Variants in ZNF407 observed in about 807,000 individuals in gnomAD.
The protein encoded by ZNF407 is zinc finger protein 407.
A neutral mutation model predicts 131.2 loss-of-function variants in ZNF407; 17 were observed. The ratio of observed to expected loss-of-function variants is 0.13; its 90% CI spans 0.09 to 0.19. The LOEUF is 0.19. Among genes scored for constraint, ZNF407 ranks in the 10% least tolerant of loss-of-function variants. The pLI, the probability that ZNF407 is intolerant of heterozygous loss-of-function variation, is 1.00. For synonymous variants in ZNF407, 1,156 were observed against 1,062.0 expected (o/e 1.09, Z -1.72); for missense variants, 2,681 against 2,830.6 (o/e 0.95, Z 1.20).
chr18:74,719,366 T>C (rs1056320072), intron 3 of ZNF407, among the ~76,000 whole-genome samples: 1 of 145,500 alleles, frequency 6.9e-6, no homozygotes, highest in Non-Finnish European at 1.5e-5. Context: ...GTATCCTCTG[T>C]TCTACTTTTT....
At chr18:74,889,071 T>TA (rs1231325439) in intron 6 of ZNF407, among the ~76,000 whole-genome samples, 1 of 152,184 alleles carries the variant, frequency 6.6e-6, no homozygotes, top group Non-Finnish European at 1.5e-5. Flanking sequence ...GTTACTGTGT[T>TA]ACAGTTGCCT....
At chr18:74,855,294 A>T (rs1369334927) in intron 4 of ZNF407, among the ~76,000 whole-genome samples, 1 of 152,198 alleles carries the variant, frequency 6.6e-6, no homozygotes, top group Non-Finnish European at 1.5e-5. Flanking sequence ...CATTAACTTT[A>T]TCATGCTAAA....
At chr18:74,790,851 G>A (rs916715507) in intron 4 of ZNF407, among the ~76,000 whole-genome samples, 1 of 152,086 alleles carries the variant, frequency 6.6e-6, no homozygotes, top group African/African-American at 2.4e-5. Context: ...AGTAATTTTT[G>A]TCAAGTTGCA....
chr18:74,605,256 A>G (rs1041942522), intron 1 of ZNF407, among the ~76,000 whole-genome samples: 1 of 152,094 alleles, frequency 6.6e-6, no homozygotes, highest in Non-Finnish European at 1.5e-5. Flanking sequence ...CCATTTCCTA[A>G]TCTTATAAGG....
intron 3 of ZNF407, among the ~76,000 whole-genome samples, chr18:74,693,037 G>C (rs1392524463): frequency 1.3e-5 from 2 of 152,222 alleles, no homozygotes; most frequent in Admixed American, 1.3e-4. Context: ...TGTTGACTGA[G>C]TGCCCTGTAC....
chr18:74,781,152 G>A lies in ZNF407; in HGVS notation c.4803-276G>A, dbSNP rs572690149. Among the ~76,000 whole-genome samples the A allele has an allele frequency of 2.0e-4, 31 of 152,242 alleles. No individual in the cohort carries two copies. In the South Asian group the frequency reaches 6.0e-3, roughly 30 times the overall value. Reference sequence around the variant, plus strand: ...GCTTCATCTTTCTTACCAACTGGAAGTGAAGACAGGGATTGAAGAACTACA... The same window carrying A: ...GCTTCATCTTTCTTACCAACTGGAAATGAAGACAGGGATTGAAGAACTACA... On this transcript the variant is annotated intron_variant, in intron 3 of 8. Transcript: ENST00000299687.
chr18:74,970,960 G>A (rs1391660414), intron 8 of ZNF407, among the ~76,000 whole-genome samples: 3 of 152,244 alleles, frequency 2.0e-5, no homozygotes, highest in Non-Finnish European at 2.9e-5. Flanking sequence ...TCTAGGCAGA[G>A]GTTCCCAAAC....
At chr18:74,625,512 G>A (rs184103820) in intron 1 of ZNF407, among the ~76,000 whole-genome samples, 1 of 152,298 alleles carries the variant, frequency 6.6e-6, no homozygotes, top group African/African-American at 2.4e-5. Flanking sequence ...GGTAGACTGG[G>A]CATGGAAAGG....
At chr18:74,780,766 A>G (rs571154059) in intron 3 of ZNF407, among the ~76,000 whole-genome samples, 1 of 152,268 alleles carries the variant, frequency 6.6e-6, no homozygotes, top group South Asian at 2.1e-4. Context: ...CAGGGGTAGA[A>G]TGGCATTCAT....
chr18:74,967,678 T>A (rs1972424580), intron 8 of ZNF407, among the ~76,000 whole-genome samples: 1 of 152,162 alleles, frequency 6.6e-6, no homozygotes, highest in Non-Finnish European at 1.5e-5. Context: ...TTTAACTCAA[T>A]CAGCAAGTCA....
At chr18:74,735,085 T>C (rs112738321) in intron 3 of ZNF407, among the ~76,000 whole-genome samples, 104 of 152,304 alleles carry the variant, frequency 6.8e-4, no homozygotes, top group Admixed American at 8.5e-4. Context: ...TGGAAAGGTA[T>C]TTTCTTTAGT....
At chr18:74,732,829 A>T (rs973278376) in intron 3 of ZNF407, among the ~76,000 whole-genome samples, 1 of 152,158 alleles carries the variant, frequency 6.6e-6, no homozygotes, top group African/African-American at 2.4e-5. Flanking sequence ...TTTATTTTAA[A>T]ATGTGAGTGT....
intron 4 of ZNF407, among the ~76,000 whole-genome samples, chr18:74,820,780 T>G (rs1970329332): frequency 6.6e-6 from 1 of 152,082 alleles, no homozygotes; most frequent in Non-Finnish European, 1.5e-5. Context: ...CAGTTCAGTC[T>G]TAGGAACAGA....
At chr18:75,029,407 C>T (rs1973210933) in intron 8 of ZNF407, among the ~76,000 whole-genome samples, 1 of 152,196 alleles carries the variant, frequency 6.6e-6, no homozygotes, top group African/African-American at 2.4e-5. Context: ...GTTACCAAGA[C>T]TCCTCTCATA....
intron 3 of ZNF407, among the ~76,000 whole-genome samples, chr18:74,727,310 AAGGAAGAGAGTGAAGGAGT>A (rs1348799807): frequency 6.6e-6 from 1 of 152,050 alleles, no homozygotes; most frequent in South Asian, 2.1e-4. Flanking sequence ...GAAGAGAGTG[AAGGAAGAGAGTGAAGGAGT>A]AGGAAGAGAG....
At chr18:74,739,618 G>A (rs551237334) in intron 3 of ZNF407, among the ~76,000 whole-genome samples, 157 of 152,020 alleles carry the variant, frequency 1.0e-3, no homozygotes, top group African/African-American at 3.5e-3. Context: ...TTTTTGAAAG[G>A]AGGTACATGA....
intron 8 of ZNF407, among the ~76,000 whole-genome samples, chr18:75,043,408 C>T (rs777092608): frequency 6.6e-5 from 10 of 152,242 alleles, no homozygotes; most frequent in Non-Finnish European, 1.2e-4. Context: ...ACATAACAGC[C>T]TGCCAGATAT....
At chr18:74,884,675 A>T (rs976285629) in intron 6 of ZNF407, among the ~76,000 whole-genome samples, 2 of 152,224 alleles carry the variant, frequency 1.3e-5, no homozygotes, top group African/African-American at 4.8e-5. Flanking sequence ...TATGAACTAT[A>T]GAGAATATAT....
At chr18:74,797,855 A>G (rs897166159) in intron 4 of ZNF407, among the ~76,000 whole-genome samples, 3 of 150,630 alleles carry the variant, frequency 2.0e-5, no homozygotes, top group Admixed American at 2.0e-4. Context: ...AGTTAGCCAT[A>G]TTTCATTAAT....
Sources: gnomAD v4.1 joint callset for allele counts (sites outside exome capture counted in the v4.1 genomes callset) on GRCh38, gnomAD v4.1.1 for gene constraint, MANE v1.5 for transcripts, NCBI Gene and HGNC (gene_info 2026-07-23, HGNC 2026-07-21) for gene names.